ELAPOR2: variants seen among roughly 807,000 people sequenced by gnomAD.
ELAPOR2 encodes endosome-lysosome associated apoptosis and autophagy regulator family member 2, also known as endosome/lysosome-associated apoptosis and autophagy regulator family member 2.
Under a neutral mutation model 120.7 loss-of-function variants are expected in ELAPOR2, and 89 were observed. That is an observed-to-expected ratio of 0.74 (90% CI 0.62 to 0.88). ELAPOR2 has a LOEUF of 0.88. ELAPOR2 is among the 40% of genes least tolerant of loss of function. The pLI is 0.00. For missense variants in ELAPOR2, 1,134 were observed against 1,251.6 expected, an observed-to-expected ratio of 0.91 and a Z score of 1.42; for synonymous variants, 444 against 444.9, an observed-to-expected ratio of 1.00 and a Z score of 0.03.
At chr7:87,015,095 T>C (rs1379646122) in intron 1 of ELAPOR2, among the ~76,000 whole-genome samples, 9 of 152,152 alleles carry the variant, frequency 5.9e-5, no homozygotes, top group Admixed American at 5.9e-4. Flanking sequence ...CACATGCTAA[T>C]AGAATGACAG....
At chr7:87,047,316 C>A (rs1794982906) in intron 1 of ELAPOR2, among the ~76,000 whole-genome samples, 1 of 152,010 alleles carries the variant, frequency 6.6e-6, no homozygotes, top group Non-Finnish European at 1.5e-5. Flanking sequence ...CACAGACAAC[C>A]AAAGCAAAAA....
At chr7:87,030,546 C>T (rs1005553340) in intron 1 of ELAPOR2, among the ~76,000 whole-genome samples, 1 of 152,164 alleles carries the variant, frequency 6.6e-6, no homozygotes, top group South Asian at 2.1e-4. Flanking sequence ...AAAGCTGCCA[C>T]CGTACATATT....
intron 1 of ELAPOR2, among the ~76,000 whole-genome samples, chr7:86,998,597 C>T (rs1304931090): frequency 6.6e-6 from 1 of 152,110 alleles, no homozygotes; most frequent in Non-Finnish European, 1.5e-5. Context: ...CCCTGGCCTC[C>T]ACCCACAAAA....
At chr7:86,938,239 G>T in intron 7 of ELAPOR2, 25 bp from the exon 8 acceptor site, 1 of 1,509,930 alleles carries the variant, frequency 6.6e-7, no homozygotes, top group Non-Finnish European at 9.0e-7. Flanking sequence ...AAGCGTTTCA[G>T]AAATGGGTCA....
chr7:86,954,802 A>G lies in ELAPOR2; in HGVS notation c.311-6880T>C, dbSNP rs889196285. Among the ~76,000 whole-genome samples, 15 of 152,272 alleles carry G rather than the reference A, an allele frequency of 9.9e-5. 1 individual carries two copies. Among genetic ancestry groups the G allele is most frequent in the African/African-American group, 3.6e-4 (15 of 41,568 alleles). On this transcript the variant is annotated intron_variant, in intron 2 of 21. Transcript: ENST00000450689. ...AATTCCAGGATCAAGACAAGCCCATATGTCTATTTTTCTTCAATGGGTTAG... is the reference window on the plus strand; with the variant it reads ...AATTCCAGGATCAAGACAAGCCCATGTGTCTATTTTTCTTCAATGGGTTAG...
At chr7:86,933,620 T>G (rs1790430685) in intron 8 of ELAPOR2, among the ~76,000 whole-genome samples, 1 of 152,008 alleles carries the variant, frequency 6.6e-6, no homozygotes, top group African/African-American at 2.4e-5. Flanking sequence ...GCACTCTAGT[T>G]CCAGGATGTT....
chr7:86,887,482 AG>A (rs1193080669), intron 21 of ELAPOR2, among the ~76,000 whole-genome samples: 1 of 152,118 alleles, frequency 6.6e-6, no homozygotes, highest in African/African-American at 2.4e-5. Context: ...ACAACTGTTC[AG>A]GGTATGGTGT....
intron 2 of ELAPOR2, among the ~76,000 whole-genome samples, chr7:86,950,251 T>C (rs1368335954): frequency 6.6e-6 from 1 of 152,218 alleles, no homozygotes; most frequent in East Asian, 1.9e-4. Flanking sequence ...CCTCCACTTG[T>C]CCACATACCT....
At chr7:86,958,055 G>A (rs939969670) in intron 2 of ELAPOR2, among the ~76,000 whole-genome samples, 3 of 152,086 alleles carry the variant, frequency 2.0e-5, no homozygotes, top group African/African-American at 7.2e-5. Context: ...AATGTTAGGG[G>A]TGTGCAGATG....
At chr7:87,049,267 T>C (rs938193964) in intron 1 of ELAPOR2, among the ~76,000 whole-genome samples, 2 of 141,834 alleles carry the variant, frequency 1.4e-5, no homozygotes, top group African/African-American at 5.3e-5. Flanking sequence ...GAGGAAGGGA[T>C]TGAAATTTTA....
intron 7 of ELAPOR2, 148 bp from the exon 8 acceptor site, chr7:86,938,362 T>C (rs1180859826): frequency 1.3e-5 from 8 of 593,862 alleles, no homozygotes; most frequent in Non-Finnish European, 2.4e-5. Context: ...CTAAAGAAAA[T>C]AAATGCCTAC....
intron 2 of ELAPOR2, among the ~76,000 whole-genome samples, chr7:86,960,273 C>A (rs149894121): frequency 6.6e-6 from 1 of 152,118 alleles, no homozygotes; most frequent in African/African-American, 2.4e-5. Context: ...GTTTTTGAGA[C>A]GGAGTCTCAC....
Position 86,939,979 on chromosome 7 carries a change from G to C in ELAPOR2, c.847+31C>G, listed in dbSNP as rs757506096. The stretch of plus-strand genomic sequence containing the variant: ...TTTAACTAACTGTAAGATGTGACTG[G>C]TGACTACTAAAACAGAATGCCATGA... On this transcript the variant is annotated intron_variant, in intron 6 of 21. Transcript: ENST00000450689. 17 of 1,345,116 alleles carry C rather than the reference G, an allele frequency of 1.3e-5. No homozygotes were observed. The Admixed American group carries it at 3.2e-4, about 25-fold the overall frequency. The allele number at this position is 1,345,116 out of a possible 1,614,324, so 83.3% of individuals were successfully genotyped here.
In ELAPOR2 at chr7:86,986,070, G is replaced by A. The variant is rs576158137; in HGVS notation, c.190-21046C>T. Among the ~76,000 whole-genome samples the A allele has an allele frequency of 2.1e-3, 319 of 151,692 alleles. 3 individuals carry two copies. The highest frequency in any genetic ancestry group is 4.0e-3 in the Non-Finnish European group (270 of 67,968). On this transcript the variant is annotated intron_variant, in intron 1 of 21. Transcript: ENST00000450689. The stretch of plus-strand genomic sequence containing the variant: ...TAGAAGTTCTGGCCAGGGCAATCAG[G>A]CAAGAGAAAGAAATAAAGGGTATTC...
At chr7:86,978,144 G>A (rs1307493875) in intron 1 of ELAPOR2, among the ~76,000 whole-genome samples, 3 of 152,160 alleles carry the variant, frequency 2.0e-5, no homozygotes, top group Non-Finnish European at 4.4e-5. Context: ...TAGTGAGTGA[G>A]TCTCGTGAGG....
chr7:86,945,442 T>C (rs921659494), intron 3 of ELAPOR2, among the ~76,000 whole-genome samples: 1 of 152,200 alleles, frequency 6.6e-6, no homozygotes, highest in African/African-American at 2.4e-5. Flanking sequence ...ATACGTAGAT[T>C]AACATATAAA....
chr7:86,964,719 T>C (rs1374053258), intron 2 of ELAPOR2, among the ~76,000 whole-genome samples, 185 bp downstream of exon 2: 3 of 152,218 alleles, frequency 2.0e-5, no homozygotes, highest in Non-Finnish European at 4.4e-5. Context: ...TGCCTTTGTC[T>C]CATTACAGAC....
chr7:86,904,821 C>T (rs372556091), intron 18 of ELAPOR2, among the ~76,000 whole-genome samples: 2 of 152,280 alleles, frequency 1.3e-5, no homozygotes, highest in South Asian at 2.1e-4. Flanking sequence ...CCCCAACCAA[C>T]ATTGCTACTG....
chr7:87,051,614 G>A (rs1795104048), intron 1 of ELAPOR2, among the ~76,000 whole-genome samples: 1 of 152,198 alleles, frequency 6.6e-6, no homozygotes, highest in Admixed American at 6.5e-5. Context: ...ATTTAAAGGG[G>A]TTAATTTGTT....
Sources: gnomAD v4.1 joint callset for allele counts (sites outside exome capture counted in the v4.1 genomes callset) on GRCh38, gnomAD v4.1.1 for gene constraint, MANE v1.5 for transcripts, NCBI Gene and HGNC (gene_info 2026-07-23, HGNC 2026-07-21) for gene names.